NPAS3: variants seen among roughly 807,000 people sequenced by gnomAD.
The protein encoded by NPAS3 is neuronal PAS domain-containing protein 3.
NPAS3 carries 14 observed loss-of-function variants against 73.1 expected under a neutral mutation model. That is an observed-to-expected ratio of 0.19 (90% confidence interval 0.13 to 0.30). The LOEUF is 0.30. NPAS3 is among the 10% of genes least tolerant of loss of function. The pLI is 1.00. For synonymous variants in NPAS3, 620 were observed against 541.5 expected (o/e 1.14, Z -2.01); for missense variants, 1,096 against 1,250.0 (o/e 0.88, Z 1.86).
chr14:33,059,975 G>A (rs964106754), intron 2 of NPAS3, among the ~76,000 whole-genome samples: 2 of 151,952 alleles, frequency 1.3e-5, no homozygotes, highest in African/African-American at 4.8e-5. Flanking sequence ...AGAGGACAAG[G>A]TCTTACTCTG....
chr14:33,764,023 A>T (rs17101863), intron 7 of NPAS3, among the ~76,000 whole-genome samples: 2 of 152,234 alleles, frequency 1.3e-5, no homozygotes, highest in Middle Eastern at 3.4e-3. Context: ...CTACCCATCT[A>T]CATGGACAAT....
At chr14:33,209,387 G>A (rs955089445) in intron 2 of NPAS3, among the ~76,000 whole-genome samples, 7 of 152,138 alleles carry the variant, frequency 4.6e-5, no homozygotes, top group Non-Finnish European at 8.8e-5. Flanking sequence ...AAGTAATGAA[G>A]GAAGGGCAAG....
chr14:33,313,311 C>T (rs1204206596), intron 3 of NPAS3, among the ~76,000 whole-genome samples: 2 of 152,022 alleles, frequency 1.3e-5, no homozygotes, highest in African/African-American at 4.8e-5. Context: ...AATGGATATT[C>T]AAGTTCTGAC....
chr14:33,422,143 C>T (rs1410729645), intron 4 of NPAS3, among the ~76,000 whole-genome samples: 1 of 151,900 alleles, frequency 6.6e-6, no homozygotes, highest in Non-Finnish European at 1.5e-5. Flanking sequence ...GCGGCCAAGA[C>T]TAATTCTCGG....
At chr14:33,152,034 C>T (rs1214636855) in intron 2 of NPAS3, among the ~76,000 whole-genome samples, 4 of 151,908 alleles carry the variant, frequency 2.6e-5, no homozygotes, top group Non-Finnish European at 2.9e-5. Flanking sequence ...AGTGATTTTG[C>T]CCCTCCTGAG....
intron 5 of NPAS3, among the ~76,000 whole-genome samples, chr14:33,564,982 C>G (rs2055854634): frequency 6.6e-6 from 1 of 152,138 alleles, no homozygotes; most frequent in Admixed American, 6.5e-5. Context: ...TGAGTCACTT[C>G]CCTTTTTCTC....
chr14:33,266,582 A>G (rs1046671125), intron 3 of NPAS3, among the ~76,000 whole-genome samples: 4 of 152,166 alleles, frequency 2.6e-5, no homozygotes, highest in Non-Finnish European at 4.4e-5. Flanking sequence ...CTGATACTTT[A>G]CTATATTCCT....
intron 5 of NPAS3, among the ~76,000 whole-genome samples, chr14:33,618,696 C>G (rs1292969800): frequency 6.6e-6 from 1 of 152,158 alleles, no homozygotes; most frequent in Non-Finnish European, 1.5e-5. Flanking sequence ...TAACCTGATT[C>G]TAGATTCCCT....
intron 5 of NPAS3, among the ~76,000 whole-genome samples, chr14:33,672,147 GGGTTAT>G (rs1350149034): frequency 6.6e-6 from 1 of 152,128 alleles, no homozygotes; most frequent in African/African-American, 2.4e-5. Context: ...GGAAACAAGT[GGGTTAT>G]GAAAGACAGA....
chr14:33,295,261 C>A (rs1055265917), intron 3 of NPAS3, among the ~76,000 whole-genome samples: 1 of 152,134 alleles, frequency 6.6e-6, no homozygotes, highest in Non-Finnish European at 1.5e-5. Flanking sequence ...AGAATAAATA[C>A]CTCCCAGCTC....
In NPAS3 at chr14:32,956,766, C is replaced by T. The variant is rs190353398; in HGVS notation, c.50+17400C>T. 2.6e-5 allele frequency among the ~76,000 whole-genome samples: 4 copies of T among 152,226 alleles called. No individual in the cohort carries two copies. The East Asian group carries it at 7.7e-4, about 29-fold the overall frequency. On this transcript the variant is annotated intron_variant, in intron 1 of 11. Coordinates refer to ENST00000356141, the Ensembl canonical transcript of NPAS3. Reference sequence around the variant, plus strand: ...GTTTATTAATGCACAGGTAAGGAAACACATCCACTTTTCCAAAACCCAAAT... The same window carrying T: ...GTTTATTAATGCACAGGTAAGGAAATACATCCACTTTTCCAAAACCCAAAT...
At chr14:33,481,409 G>A (rs1263893996) in intron 4 of NPAS3, among the ~76,000 whole-genome samples, 3 of 152,000 alleles carry the variant, frequency 2.0e-5, no homozygotes, top group African/African-American at 7.3e-5. Flanking sequence ...AAAAACAAAT[G>A]TGATACAAAT....
intron 5 of NPAS3, among the ~76,000 whole-genome samples, chr14:33,642,127 G>A (rs1284982356): frequency 6.6e-6 from 1 of 152,096 alleles, no homozygotes; most frequent in African/African-American, 2.4e-5. Context: ...TCAAAACAGA[G>A]GGCAGCGCTG....
At chr14:33,553,461 C>T (rs1291980087) in intron 4 of NPAS3, among the ~76,000 whole-genome samples, 2 of 152,090 alleles carry the variant, frequency 1.3e-5, no homozygotes, top group Non-Finnish European at 2.9e-5. Flanking sequence ...TGTGGGAAAC[C>T]CTTACGAAAG....
intron 3 of NPAS3, among the ~76,000 whole-genome samples, chr14:33,360,101 T>C (rs2045527060): frequency 6.6e-6 from 1 of 152,202 alleles, no homozygotes; most frequent in Non-Finnish European, 1.5e-5. Flanking sequence ...CCTCGCCCAG[T>C]GGACTGGATC....
chr14:32,958,484 C>A (rs1042896776), intron 1 of NPAS3, among the ~76,000 whole-genome samples: 1 of 152,178 alleles, frequency 6.6e-6, no homozygotes, highest in Non-Finnish European at 1.5e-5. Context: ...TTCTGGTATT[C>A]CTCCCAGTTA....
intron 6 of NPAS3, among the ~76,000 whole-genome samples, chr14:33,720,444 G>T (rs2061075614): frequency 6.6e-6 from 1 of 152,194 alleles, no homozygotes; most frequent in Admixed American, 6.5e-5. Flanking sequence ...TTGGGTAGTT[G>T]TTTGATTGCT....
At chr14:33,165,591 G>C (rs147499391) in intron 2 of NPAS3, among the ~76,000 whole-genome samples, 1 of 152,084 alleles carries the variant, frequency 6.6e-6, no homozygotes. Context: ...TTATCAGAGC[G>C]TTGGCTGATA....
chr14:33,141,049 A>C (rs2044026207), intron 2 of NPAS3, among the ~76,000 whole-genome samples: 1 of 152,220 alleles, frequency 6.6e-6, no homozygotes, highest in East Asian at 1.9e-4. Context: ...TGTATGTGGG[A>C]TGCCATCATA....
Sources: allele counts gnomAD v4.1 joint callset (sites outside exome capture counted in the v4.1 genomes callset), GRCh38; gene constraint gnomAD v4.1.1; transcripts MANE v1.5; gene names NCBI Gene and HGNC (gene_info 2026-07-23, HGNC 2026-07-21).